The following MTHFD1L variants were observed in gnomAD, a reference collection of about 807,000 sequenced individuals.
The protein encoded by MTHFD1L is methylenetetrahydrofolate dehydrogenase (NADP+ dependent) 1 like.
MTHFD1L carries 81 observed loss-of-function variants against 119.5 expected under a neutral mutation model. The observed-to-expected ratio is 0.68, with a 90% CI of 0.57 to 0.82. The LOEUF (loss-of-function observed/expected upper bound fraction) is 0.82. Ranked by LOEUF, MTHFD1L falls within the 40% of genes least tolerant of loss-of-function variation. The pLI, the probability that MTHFD1L is intolerant of heterozygous loss-of-function variation, is 0.00. For missense variants in MTHFD1L, 1,125 were observed against 1,253.4 expected (o/e 0.90, Z 1.55); for synonymous variants, 430 against 475.2 (o/e 0.90, Z 1.24).
intron 13 of MTHFD1L, among the ~76,000 whole-genome samples, chr6:150,940,403 G>GA (rs1792886291): frequency 1.3e-5 from 2 of 151,662 alleles, no homozygotes; most frequent in Admixed American, 1.3e-4. Flanking sequence ...TCAGAATGGG[G>GA]ATGGGTACCA....
chr6:151,099,968 G>A (rs1795228806), intron 27 of MTHFD1L: 2 of 872,858 alleles, frequency 2.3e-6, no homozygotes, highest in South Asian at 2.8e-5. Context: ...TTAAATAAAT[G>A]TAAAAACAGC....
intron 27 of MTHFD1L, among the ~76,000 whole-genome samples, chr6:151,096,723 C>T (rs1315825422): frequency 6.6e-6 from 1 of 152,170 alleles, no homozygotes; most frequent in East Asian, 1.9e-4. Context: ...TCATTATTCC[C>T]CCAGGAAAGT....
chr6:151,099,622 C>T lies in MTHFD1L; in HGVS notation c.*32-1904C>T, dbSNP rs913204848. On this transcript the variant is annotated intron_variant, in intron 27 of 27. Coordinates refer to ENST00000367321, the MANE Select transcript of MTHFD1L (RefSeq NM_015440.5). ...GTCAGACCATTATGTCAAAATTAAG[C>T]GTAACTGGTGGAAACCCAGAGGCAT... 21 of 1,606,866 alleles carry T rather than the reference C, an allele frequency of 1.3e-5. No individual in the cohort carries two copies. In the East Asian group the frequency reaches 1.3e-4, roughly 10 times the overall value.
chr6:151,095,447 C>T (rs1049806208), intron 27 of MTHFD1L, among the ~76,000 whole-genome samples: 2 of 152,174 alleles, frequency 1.3e-5, no homozygotes, highest in African/African-American at 4.8e-5. Flanking sequence ...AGTATTTTTC[C>T]AGCTTTTGGT....
chr6:151,024,716 C>G (rs1294820279), intron 24 of MTHFD1L, among the ~76,000 whole-genome samples: 1 of 152,190 alleles, frequency 6.6e-6, no homozygotes, highest in Non-Finnish European at 1.5e-5. Flanking sequence ...GTAATTCCAG[C>G]TACTCTGGAG....
chr6:150,921,823 A>G (rs543342358), intron 9 of MTHFD1L, among the ~76,000 whole-genome samples: 53 of 152,360 alleles, frequency 3.5e-4, no homozygotes, highest in Admixed American at 2.2e-3. Context: ...CCCTGGATGT[A>G]CATTTTTAAA....
intron 26 of MTHFD1L, among the ~76,000 whole-genome samples, chr6:151,056,240 T>C (rs1283427870): frequency 1.3e-5 from 2 of 152,228 alleles, no homozygotes; most frequent in Admixed American, 6.5e-5. Flanking sequence ...CCCTGGCTGT[T>C]GTTCTGTGTT....
intron 24 of MTHFD1L, among the ~76,000 whole-genome samples, chr6:151,025,149 C>T (rs1285982665): frequency 6.6e-6 from 1 of 152,224 alleles, no homozygotes; most frequent in Admixed American, 6.5e-5. Flanking sequence ...CCTCACCGCA[C>T]CCCAGGTTTG....
At chr6:150,948,927 G>C (rs1794462740) in intron 15 of MTHFD1L, 104 bp from the exon 16 acceptor site, 1 of 1,002,442 alleles carries the variant, frequency 1.0e-6, no homozygotes, top group African/African-American at 1.6e-5. Flanking sequence ...TTTTTAAAAG[G>C]CTTTACCAAT....
chr6:150,891,344 A>G (rs1052892158), intron 7 of MTHFD1L, among the ~76,000 whole-genome samples: 20 of 151,662 alleles, frequency 1.3e-4, no homozygotes, highest in Non-Finnish European at 2.8e-4. Context: ...AGAAGGATGT[A>G]TTTCATACAA....
At chr6:151,054,062 G>A (rs1206541413) in intron 26 of MTHFD1L, among the ~76,000 whole-genome samples, 1 of 152,122 alleles carries the variant, frequency 6.6e-6, no homozygotes, top group Non-Finnish European at 1.5e-5. Flanking sequence ...ATTTTGAGAT[G>A]GAAACATTTC....
intron 4 of MTHFD1L, among the ~76,000 whole-genome samples, chr6:150,881,389 T>G (rs1225805853): frequency 1.3e-5 from 2 of 152,212 alleles, no homozygotes; most frequent in African/African-American, 4.8e-5. Context: ...TTGACTTATT[T>G]TTTGACAAGG....
rs761691227 is a variant in MTHFD1L, at chr6:150,922,195, C to T, written c.985-10C>T. ...ATTCTAACATGTTTTCCCCTCTATC[C>T]CTGCTGAAGAACATGGTCAGTAGTG... On this transcript the variant is annotated splice_polypyrimidine_tract_variant and intron_variant, in intron 9 of 27. Coordinates refer to ENST00000367321, the MANE Select transcript of MTHFD1L (RefSeq NM_015440.5). 1 of 1,608,288 alleles carries T rather than the reference C, an allele frequency of 6.2e-7. No homozygotes were observed.
Position 151,039,386 on chromosome 6 carries a change from C to G in MTHFD1L, c.2847+2269C>G, listed in dbSNP as rs192550401. On this transcript the variant is annotated intron_variant, in intron 26 of 27. Coordinates refer to ENST00000367321, the MANE Select transcript of MTHFD1L (RefSeq NM_015440.5). This position sits in a 1 kb window ranked among gnomAD's most constrained non-coding sequence, Gnocchi z 4.4. The stretch of plus-strand genomic sequence containing the variant: ...AACTTTTTGGGATAATGCAAATACC[C>G]TATGTTTTGACGTGGTAGTGATTCC... Among the ~76,000 whole-genome samples the G allele has an allele frequency of 5.5e-4, 84 of 152,138 alleles. No individual in the cohort carries two copies. The highest frequency in any genetic ancestry group is 1.8e-3 in the African/African-American group (76 of 41,494).
chr6:150,981,031 G>A (rs1347381204), intron 20 of MTHFD1L, among the ~76,000 whole-genome samples: 1 of 151,860 alleles, frequency 6.6e-6, no homozygotes, highest in African/African-American at 2.4e-5. Flanking sequence ...ACAACTTAAT[G>A]AGTATTTATG....
intron 11 of MTHFD1L, 81 bp from the exon 12 acceptor site, chr6:150,936,723 T>G: frequency 6.6e-7 from 1 of 1,509,176 alleles, no homozygotes; most frequent in Non-Finnish European, 9.1e-7. Flanking sequence ...CACCCTCAGA[T>G]TTGATTCTGG....
intron 26 of MTHFD1L, among the ~76,000 whole-genome samples, chr6:151,079,545 G>A (rs189170162): frequency 4.9e-4 from 75 of 152,038 alleles, no homozygotes; most frequent in African/African-American, 1.7e-3. Flanking sequence ...GCTGGAGTGC[G>A]ATGGCGTGAT....
chr6:151,056,450 G>A (rs1460340747), intron 26 of MTHFD1L, among the ~76,000 whole-genome samples: 1 of 152,202 alleles, frequency 6.6e-6, no homozygotes, highest in Non-Finnish European at 1.5e-5. Context: ...TTTCTGAAAG[G>A]CCTGCTTGGG....
intron 26 of MTHFD1L, among the ~76,000 whole-genome samples, chr6:151,038,391 G>T (rs201169020): frequency 2.0e-5 from 3 of 152,050 alleles, no homozygotes; most frequent in African/African-American, 7.2e-5. Flanking sequence ...GGGGTGATCC[G>T]ATGTGGCTGG....
Sources: allele counts gnomAD v4.1 joint callset (sites outside exome capture counted in the v4.1 genomes callset), GRCh38; gene constraint gnomAD v4.1.1; non-coding constraint Gnocchi (gnomAD v3.1); transcripts MANE v1.5; gene names NCBI Gene and HGNC (gene_info 2026-07-23, HGNC 2026-07-21).